The following FAM193A variants were observed in gnomAD, a reference collection of about 807,000 sequenced individuals.
The protein encoded by FAM193A is family with sequence similarity 193 member A.
In FAM193A, 22 loss-of-function variants were observed where a neutral mutation model predicts 126.5. The ratio of observed to expected loss-of-function variants is 0.17; its 90% confidence interval spans 0.12 to 0.25. The LOEUF (loss-of-function observed/expected upper bound fraction) is 0.25. FAM193A is among the 10% of genes least tolerant of loss of function. The probability of loss-of-function intolerance (pLI) is 1.00; values close to 1 mark genes in which losing one functional copy is unlikely to be tolerated. For synonymous variants in FAM193A, 761 were observed against 646.8 expected (o/e 1.18, Z -2.68); for missense variants, 1,675 against 1,672.8 (o/e 1.00, Z -0.02).
chr4:2,536,532 G>C (rs1419858043), upstream of FAM193A: 2 of 127,004 alleles, frequency 1.6e-5, no homozygotes, highest in Non-Finnish European at 3.2e-5. Flanking sequence ...GGGTGGGCAA[G>C]CAAAGGGAAA....
At chr4:2,693,490 A>T in intron 15 of FAM193A, 96 bp from the exon 16 acceptor site, 1 of 1,166,968 alleles carries the variant, frequency 8.6e-7, no homozygotes, top group East Asian at 2.4e-5. Context: ...AAGGTGAAGG[A>T]TGAATGGGTA....
chr4:2,611,435 A>AT (rs1004764160), intron 2 of FAM193A, among the ~76,000 whole-genome samples: 472 of 147,834 alleles, frequency 3.2e-3, no homozygotes, highest in African/African-American at 8.3e-3. Flanking sequence ...TGCATAGTTA[A>AT]TTTTTTTTTT....
At chr4:2,671,111 C>T (rs1219798197) in intron 12 of FAM193A, among the ~76,000 whole-genome samples, 1 of 152,202 alleles carries the variant, frequency 6.6e-6, no homozygotes, top group East Asian at 1.9e-4. Flanking sequence ...GGGGTGAATG[C>T]GCTCAGCACT....
At chr4:2,583,094 A>G (rs924658709) in intron 1 of FAM193A, among the ~76,000 whole-genome samples, 1 of 152,020 alleles carries the variant, frequency 6.6e-6, no homozygotes. Context: ...TCAGCCTCCA[A>G]AGTAGCTGCA....
At chr4:2,556,962 A>G (rs1738294890) in intron 1 of FAM193A, among the ~76,000 whole-genome samples, 1 of 152,112 alleles carries the variant, frequency 6.6e-6, no homozygotes, top group Non-Finnish European at 1.5e-5. Context: ...ATTTACAGAA[A>G]AGTCACCAAG....
At chr4:2,635,314 T>C (rs760186601) in intron 5 of FAM193A, among the ~76,000 whole-genome samples, 1 of 152,170 alleles carries the variant, frequency 6.6e-6, no homozygotes, top group Non-Finnish European at 1.5e-5. Flanking sequence ...CTTAGGCCCC[T>C]TTATACTTAA....
chr4:2,628,946 G>A (rs906612122), intron 4 of FAM193A, among the ~76,000 whole-genome samples: 1 of 151,518 alleles, frequency 6.6e-6, no homozygotes, highest in African/African-American at 2.4e-5. Flanking sequence ...TCCGCCTGGC[G>A]GGTTCATGCC....
At chr4:2,659,238 C>T (rs1027159560) in intron 8 of FAM193A, among the ~76,000 whole-genome samples, 2 of 152,204 alleles carry the variant, frequency 1.3e-5, no homozygotes, top group Admixed American at 6.5e-5. Context: ...CAGCTCTGTT[C>T]TCAGTACCTT....
intron 18 of FAM193A, among the ~76,000 whole-genome samples, chr4:2,697,851 G>A (rs1353281555): frequency 1.3e-5 from 2 of 152,178 alleles, no homozygotes; most frequent in South Asian, 2.1e-4. Context: ...CAGCATCGGG[G>A]TACCCACGAT....
chr4:2,567,318 A>T (rs1739028497), intron 1 of FAM193A, among the ~76,000 whole-genome samples: 1 of 152,180 alleles, frequency 6.6e-6, no homozygotes, highest in Admixed American at 6.6e-5. Flanking sequence ...ATGAGATTGA[A>T]AACCAGTTTT....
intron 1 of FAM193A, among the ~76,000 whole-genome samples, chr4:2,546,004 G>T (rs1372320323): frequency 3.3e-5 from 5 of 152,000 alleles, no homozygotes; most frequent in Non-Finnish European, 7.4e-5. Flanking sequence ...AAAAATTAGC[G>T]GGGTGTGGTA....
At chr4:2,622,961 G>A (rs1489659482) in intron 2 of FAM193A, among the ~76,000 whole-genome samples, 1 of 152,090 alleles carries the variant, frequency 6.6e-6, no homozygotes, top group Non-Finnish European at 1.5e-5. Flanking sequence ...ACCTTGGTAG[G>A]GACTTCGTGC....
chr4:2,651,330 CA>C (rs200661378), intron 7 of FAM193A, among the ~76,000 whole-genome samples: 3 of 150,362 alleles, frequency 2.0e-5, no homozygotes, highest in African/African-American at 4.9e-5. Context: ...AACTCTGTCT[CA>C]AAAAAAAACC....
intron 20 of FAM193A, among the ~76,000 whole-genome samples, chr4:2,722,635 G>A (rs1371260895): frequency 6.6e-6 from 1 of 152,182 alleles, no homozygotes; most frequent in Non-Finnish European, 1.5e-5. Context: ...GATTCTGGGA[G>A]ATGACACAGT....
intron 13 of FAM193A, among the ~76,000 whole-genome samples, chr4:2,683,492 C>G (rs1037878074): frequency 6.6e-6 from 1 of 152,170 alleles, no homozygotes; most frequent in African/African-American, 2.4e-5. Flanking sequence ...TGAGGTTTCA[C>G]CATGTTGGCC....
At chr4:2,585,496 G>A (rs1223351467) in intron 1 of FAM193A, among the ~76,000 whole-genome samples, 2 of 152,118 alleles carry the variant, frequency 1.3e-5, no homozygotes, top group Admixed American at 6.5e-5. Context: ...GACCATTTGG[G>A]TCATCTGTTG....
intron 2 of FAM193A, among the ~76,000 whole-genome samples, chr4:2,605,424 A>C (rs115856123): frequency 0.018 from 2,689 of 152,148 alleles, 62 homozygotes; most frequent in African/African-American, 0.052. Context: ...TGTCTTACTT[A>C]TTTTGCTCAG....
At chr4:2,644,077 C>G (rs972273185) in intron 6 of FAM193A, among the ~76,000 whole-genome samples, 1 of 152,116 alleles carries the variant, frequency 6.6e-6, no homozygotes. Flanking sequence ...AGATGGAAAC[C>G]TGTTTGCTGA....
intron 1 of FAM193A, among the ~76,000 whole-genome samples, chr4:2,560,495 G>A (rs1386587276): frequency 6.6e-6 from 1 of 152,186 alleles, no homozygotes; most frequent in Non-Finnish European, 1.5e-5. Context: ...AGGGAGCCAG[G>A]CCATTTGATG....
Sources: gnomAD v4.1 joint callset for allele counts (sites outside exome capture counted in the v4.1 genomes callset) on GRCh38, gnomAD v4.1.1 for gene constraint, MANE v1.5 for transcripts, NCBI Gene and HGNC (gene_info 2026-07-23, HGNC 2026-07-21) for gene names.